Variants in COL5A3 observed in about 807,000 individuals in gnomAD.
COL5A3 encodes collagen type V alpha 3 chain, also known as collagen alpha-3(V) chain.
COL5A3 carries 172 observed loss-of-function variants against 250.0 expected under a neutral mutation model. The observed-to-expected ratio is 0.69, with a 90% CI of 0.61 to 0.78. The LOEUF (loss-of-function observed/expected upper bound fraction) is 0.78. COL5A3 is among the 30% of genes least tolerant of loss of function. COL5A3 has a pLI of 0.00. For missense variants in COL5A3, 2,340 were observed against 2,334.4 expected (o/e 1.00, Z -0.05); for synonymous variants, 937 against 900.4 (o/e 1.04, Z -0.73).
intron 57 of COL5A3, 40 bp downstream of exon 57, chr19:9,969,309 T>C (rs1322172194): frequency 1.9e-6 from 3 of 1,546,644 alleles, no homozygotes; most frequent in South Asian, 1.2e-5. Context: ...CCCAGAGTGG[T>C]CCTCAGAGCC....
intron 57 of COL5A3, 95 bp downstream of exon 57, chr19:9,969,254 G>A: frequency 9.0e-7 from 1 of 1,111,688 alleles, no homozygotes; most frequent in Non-Finnish European, 1.3e-6. Flanking sequence ...TGGATGGTCA[G>A]TGAGGGCTAG....
In COL5A3 at chr19:9,974,207, C is replaced by A. The variant is rs139846355; in HGVS notation, c.3468G>T (p.Pro1156=). 5 of 1,613,908 alleles carry A rather than the reference C, an allele frequency of 3.1e-6. No homozygotes were observed. In the East Asian group the frequency reaches 6.7e-5, roughly 22 times the overall value. Residue 1156 remains proline, a synonymous_variant, in exon 47 of 67, where the codon CCG becomes CCT. Coordinates refer to ENST00000264828, the MANE Select transcript of COL5A3 (RefSeq NM_015719.4). ...PPGLQGLPGP[P]GEKGEVGDVG... Reference sequence around the variant, plus strand: ...CGTCTCCGACCTCCCCTTTCTCTCCCGGAGGGCCTGGCAGCCCCTGTGGAA... The same window carrying A: ...CGTCTCCGACCTCCCCTTTCTCTCCAGGAGGGCCTGGCAGCCCCTGTGGAA...
intron 18 of COL5A3, 39 bp from the exon 19 acceptor site, chr19:9,993,472 G>A (rs1217368776): frequency 3.7e-6 from 6 of 1,610,216 alleles, no homozygotes; most frequent in Non-Finnish European, 5.1e-6. Context: ...GTGGAAGGGT[G>A]TGGGCGGAGA....
intron 64 of COL5A3, among the ~76,000 whole-genome samples, chr19:9,963,107 C>G (rs2086694145): frequency 6.6e-6 from 1 of 152,160 alleles, no homozygotes; most frequent in Non-Finnish European, 1.5e-5. Flanking sequence ...GATAAATACC[C>G]CAGCTCCCTC....
Position 9,996,209 on chromosome 19 carries a change from A to C in COL5A3, c.1476T>G (p.Pro492=). 1 of 1,572,516 alleles carries C rather than the reference A, an allele frequency of 6.4e-7. No homozygotes were observed. Residue 492 remains proline, a synonymous_variant, in exon 14 of 67, where the codon CCT becomes CCG. Coordinates refer to ENST00000264828, the MANE Select transcript of COL5A3 (RefSeq NM_015719.4). ...GPVGLTGRPG[P]VGLPGHPGLK... Reference sequence around the variant, plus strand: ...TCCACGCAGTCGCCTTACTCACCACAGGGCCTGGGCGCCCAGTGAGCCCCA... The same window carrying C: ...TCCACGCAGTCGCCTTACTCACCACCGGGCCTGGGCGCCCAGTGAGCCCCA...
At position 10,001,659 on chromosome 19, in the gene COL5A3, G is replaced by T. The variant is rs200534269; in HGVS notation, c.975C>A (p.Asp325Glu). 2.5e-6 allele frequency: 4 copies of T among 1,613,958 alleles called. No homozygotes were observed. The highest frequency in any genetic ancestry group is 2.2e-5 in the East Asian group (1 of 44,866). ...LNATILERSL[D>E]PDSGTELGTL... The stretch of plus-strand genomic sequence containing the variant: ...TCCCCAGCTCGGTTCCACTGTCAGG[G>T]TCCAAGCTCCTCTGAGAACGTTAGG... The change falls in exon 8 of 67, where the codon GAC becomes GAA. Residue 325 changes from aspartate to glutamate, a missense_variant. Physicochemically the swap from Asp to Glu is conservative, Grantham distance 45. This residue lies in a region of COL5A3 where 1,152 missense variants were observed against 1,146.3 expected (regional missense o/e 1.00). Coordinates refer to ENST00000264828, the MANE Select transcript of COL5A3 (RefSeq NM_015719.4).
Position 9,969,621 on chromosome 19 carries a change from G to A in COL5A3, c.4052C>T (p.Pro1351Leu), listed in dbSNP as rs1160040510. Residue 1351 changes from proline to leucine, a missense_variant, in exon 56 of 67, where the codon CCT becomes CTT. Physicochemically the swap from Pro to Leu is moderately conservative, Grantham distance 98 (BLOSUM62 -3). This residue lies in a region of COL5A3 where 1,179 missense variants were observed against 1,162.6 expected (regional missense o/e 1.01). Transcript: ENST00000264828. ...AAGACCCTCAGGCCCCACACGTCCA[G>A]GGGGCCCTCTAGCCCCCATTGGACC... ...RTGPMGARGPPGRVGPEGLRG... is the reference protein window; with the variant it reads ...RTGPMGARGPLGRVGPEGLRG... 8 of 1,600,746 alleles carry A rather than the reference G, an allele frequency of 5.0e-6. No homozygotes were observed. Among genetic ancestry groups the A allele is most frequent in the Non-Finnish European group, 6.8e-6 (8 of 1,176,558 alleles).
chr19:9,968,806 A>G lies in COL5A3; in HGVS notation c.4153-78T>C, dbSNP rs543435756. On this transcript the variant is annotated intron_variant, in intron 57 of 66. Coordinates refer to ENST00000264828, the MANE Select transcript of COL5A3 (RefSeq NM_015719.4). This position sits in a 1 kb window ranked among gnomAD's most constrained non-coding sequence, Gnocchi z 4.1. ...TGTGTGGGTGGTTAGGGGATGGTCA[A>G]ATGGGAAATTATGCAGATTTCAAAT... 3.2e-6 allele frequency: 4 copies of G among 1,257,778 alleles called. No individual in the cohort carries two copies. The highest frequency in any genetic ancestry group is 4.5e-6 in the Non-Finnish European group (4 of 883,620). The allele number at this position is 1,257,778 out of a possible 1,614,324, so 77.9% of individuals were successfully genotyped here.
At chr19:9,974,084 A>C in intron 47 of COL5A3, 87 bp downstream of exon 47, 1 of 1,530,420 alleles carries the variant, frequency 6.5e-7, no homozygotes, top group Non-Finnish European at 8.9e-7. Context: ...CCTTAAAATG[A>C]CAATGTCCCT....
In COL5A3 at chr19:9,972,949, G is replaced by A. The variant is rs780165005; in HGVS notation, c.3744C>T (p.Pro1248=). ...TCCCTTTGGCTCCATCCTCTCCAGGGGGACCTTTCTTGCCTGGGGGTCCAG... is the reference window on the plus strand; with the variant it reads ...TCCCTTTGGCTCCATCCTCTCCAGGAGGACCTTTCTTGCCTGGGGGTCCAG... ...GAAGPPGKKG[P]PGEDGAKGSV... The change falls in exon 51 of 67, where the codon CCC becomes CCT. Residue 1248 remains proline, a synonymous_variant. Transcript: ENST00000264828. 3.1e-6 allele frequency: 5 copies of A among 1,611,144 alleles called. No individual in the cohort carries two copies. The South Asian group carries it at 3.3e-5, about 11-fold the overall frequency.
chr19:9,978,508 C>CA (rs1385227551), intron 41 of COL5A3, 66 bp downstream of exon 41: 2 of 1,089,966 alleles, frequency 1.8e-6, no homozygotes, highest in African/African-American at 3.2e-5. Context: ...ATGACAATGT[C>CA]AAGCTTCCAA....
At chr19:10,006,353 A>G (rs2087443959) in intron 1 of COL5A3, 122 bp from the exon 2 acceptor site, 3 of 930,928 alleles carry the variant, frequency 3.2e-6, no homozygotes, top group East Asian at 5.5e-5. Flanking sequence ...CCCTCCCACC[A>G]TGTTTGTGGC....
In COL5A3 at chr19:10,001,564, G is replaced by T. The variant is rs1460524096; in HGVS notation, c.1070C>A (p.Ala357Glu). The T allele has an allele frequency of 3.1e-6, 5 of 1,614,070 alleles. No individual in the cohort carries two copies. The highest frequency in any genetic ancestry group is 1.7e-5 in the Admixed American group (1 of 60,000). ...CTGAGTCCGAGATGGATATTCTGCTGCCCGGAAGTCAGGGCCCATGGTGGA... is the reference window on the plus strand; with the variant it reads ...CTGAGTCCGAGATGGATATTCTGCTTCCCGGAAGTCAGGGCCCATGGTGGA... Reference protein sequence around the residue: ...DDSTMGPDFRAAEYPSRTQFQ... With the variant: ...DDSTMGPDFREAEYPSRTQFQ... Residue 357 changes from alanine to glutamate, a missense_variant, in exon 8 of 67, where the codon GCA (alanine) becomes GAA (glutamate). Physicochemically the swap from Ala to Glu is moderately radical, Grantham distance 107. Transcript: ENST00000264828.
chr19:10,004,553 A>G lies in COL5A3; in HGVS notation c.595-408T>C, dbSNP rs570887308. Among the ~76,000 whole-genome samples, 11 of 152,272 alleles carry G rather than the reference A, an allele frequency of 7.2e-5. No homozygotes were observed. The South Asian group carries it at 8.3e-4, about 11-fold the overall frequency. ...GCCATGTTGGCCAGGCTGGTCCCGA[A>G]CTCCTGGCCTCAAGTGATCCACCCG... On this transcript the variant is annotated intron_variant, in intron 4 of 66. Transcript: ENST00000264828.
rs776480851 is a variant in COL5A3, at chr19:9,996,311, A to G, written c.1423-49T>C. 5.2e-6 allele frequency: 8 copies of G among 1,546,838 alleles called. No homozygotes were observed. The South Asian group carries it at 9.8e-5, about 19-fold the overall frequency. ...CTTGGGGCCTCCCACAAGACCCCCAACATTCCCCACAGAGGCATCTTCAGG... is the reference window on the plus strand; with the variant it reads ...CTTGGGGCCTCCCACAAGACCCCCAGCATTCCCCACAGAGGCATCTTCAGG... On this transcript the variant is annotated intron_variant, in intron 13 of 66. Transcript: ENST00000264828.
At chr19:9,979,445 G>A (rs765913333) in intron 37 of COL5A3, 28 bp from the exon 38 acceptor site, 29 of 1,612,450 alleles carry the variant, frequency 1.8e-5, no homozygotes, top group South Asian at 2.2e-5. Flanking sequence ...ATGTGGGGGC[G>A]GTGTTACATG....
At chr19:9,984,240 G>A (rs2087062040) in intron 31 of COL5A3, among the ~76,000 whole-genome samples, 2 of 152,008 alleles carry the variant, frequency 1.3e-5, no homozygotes, top group Non-Finnish European at 2.9e-5. Flanking sequence ...CCAGGCTGGT[G>A]GTGAACTCTC....
intron 27 of COL5A3, 68 bp downstream of exon 27, chr19:9,989,056 A>T: frequency 6.6e-7 from 1 of 1,513,154 alleles, no homozygotes; most frequent in South Asian, 1.1e-5. Flanking sequence ...GAAGTTTCTG[A>T]TGGAGCTGCA....
intron 36 of COL5A3, 33 bp downstream of exon 36, chr19:9,979,961 C>G: frequency 6.3e-7 from 1 of 1,576,990 alleles, no homozygotes. Flanking sequence ...ATCCTCCACC[C>G]ACCCAACCCC....
Sources: gnomAD v4.1 joint callset for allele counts (sites outside exome capture counted in the v4.1 genomes callset) on GRCh38, gnomAD v4.1.1 for gene constraint, gnomAD v4.1.1 regional missense constraint, Gnocchi (gnomAD v3.1) non-coding constraint, MANE v1.5 for transcripts, NCBI Gene and HGNC (gene_info 2026-07-23, HGNC 2026-07-21) for gene names.